The following CFAP96 variants were observed in gnomAD, a reference collection of about 807,000 sequenced individuals.
CFAP96 encodes the protein cilia-and flagella-associated protein 96.
chr4:185,418,314 T>G, the CFAP96 span: 3 of 687,214 alleles, frequency 4.4e-6, no homozygotes, highest in Non-Finnish European at 6.9e-6. Context: ...GGCAAGTCAT[T>G]TAATCTTTTT....
chr4:185,416,113 T>A, the CFAP96 span: 1 of 313,274 alleles, frequency 3.2e-6, no homozygotes, highest in Non-Finnish European at 5.8e-6. Flanking sequence ...AAGGACAGAA[T>A]ATAAAGCTGT....
the CFAP96 span, chr4:185,449,607 C>G: frequency 5.2e-6 from 8 of 1,541,842 alleles, no homozygotes; most frequent in Non-Finnish European, 7.0e-6. Context: ...GCACTAAATT[C>G]AAAGAACTAC....
At chr4:185,425,980 A>G in the CFAP96 span, 6 of 1,203,138 alleles carry the variant, frequency 5.0e-6, no homozygotes, top group Non-Finnish European at 7.2e-6. Context: ...CGGACCAACT[A>G]CAACTCCCGA....
the CFAP96 span, chr4:185,416,070 C>T: frequency 2.4e-6 from 1 of 412,886 alleles, no homozygotes; most frequent in Admixed American, 4.1e-5. Context: ...AGATAACTCA[C>T]TACCCTCAGA....
chr4:185,412,277 A>G, the CFAP96 span, among the ~76,000 whole-genome samples: 1 of 152,324 alleles, frequency 6.6e-6, no homozygotes, highest in East Asian at 1.9e-4. Context: ...CTGTGTGTCC[A>G]GGTTCTTCTA....
At chr4:185,444,250 G>A in the CFAP96 span, among the ~76,000 whole-genome samples, 1 of 152,026 alleles carries the variant, frequency 6.6e-6, no homozygotes, top group Non-Finnish European at 1.5e-5. Context: ...ACCGCGCCCG[G>A]CCTGTATCTT....
At chr4:185,426,177 A>G in the CFAP96 span, 1 of 448,052 alleles carries the variant, frequency 2.2e-6, no homozygotes, top group Non-Finnish European at 4.1e-6. Context: ...GTATCCTCCC[A>G]CAGCGTGCTT....
At chr4:185,449,599 A>C in the CFAP96 span, 1 of 1,540,068 alleles carries the variant, frequency 6.5e-7, no homozygotes, top group Non-Finnish European at 8.8e-7. Context: ...ATTTTAGGGC[A>C]CTAAATTCAA....
At chr4:185,434,798 G>A in the CFAP96 span, among the ~76,000 whole-genome samples, 1 of 151,870 alleles carries the variant, frequency 6.6e-6, no homozygotes, top group African/African-American at 2.4e-5. Context: ...GAGTGCAGTG[G>A]CGCGATCTCA....
the CFAP96 span, chr4:185,422,659 TTAAC>T: frequency 2.5e-6 from 2 of 793,086 alleles, no homozygotes; most frequent in South Asian, 2.1e-5. Flanking sequence ...AAGACATTAA[TTAAC>T]CTTGATTCTT....
the CFAP96 span, among the ~76,000 whole-genome samples, chr4:185,424,439 T>C: frequency 2.6e-5 from 4 of 152,360 alleles, no homozygotes; most frequent in Admixed American, 6.5e-5. Flanking sequence ...CTTTGTCACA[T>C]TTCTATAAGG....
At chr4:185,418,290 A>G in the CFAP96 span, 1 of 580,562 alleles carries the variant, frequency 1.7e-6, no homozygotes, top group Non-Finnish European at 2.9e-6. Flanking sequence ...AAGTAAGACA[A>G]ACATATAACT....
At chr4:185,448,015 G>A in the CFAP96 span, among the ~76,000 whole-genome samples, 446 of 152,134 alleles carry the variant, frequency 2.9e-3, 3 homozygotes, top group African/African-American at 0.01. Flanking sequence ...TTGGAAATAC[G>A]TTTTGTCTTT....
chr4:185,427,008 G>A, the CFAP96 span, among the ~76,000 whole-genome samples: 1 of 150,788 alleles, frequency 6.6e-6, no homozygotes, highest in Admixed American at 6.6e-5. Context: ...AGGCTGCAGA[G>A]AGCCAAGACA....
At chr4:185,432,007 A>G in the CFAP96 span, 2 of 1,551,616 alleles carry the variant, frequency 1.3e-6, no homozygotes, top group South Asian at 2.4e-5. Context: ...CTGCAAGCAA[A>G]AATAAACAGA....
At chr4:185,413,153 A>G in the CFAP96 span, among the ~76,000 whole-genome samples, 1 of 151,960 alleles carries the variant, frequency 6.6e-6, no homozygotes, top group Admixed American at 6.6e-5. Context: ...AAAAATACAA[A>G]AACTAGCCAG....
chr4:185,413,867 T>G, the CFAP96 span: 1 of 1,600,416 alleles, frequency 6.2e-7, no homozygotes, highest in Non-Finnish European at 8.5e-7. Context: ...AAAGATCATG[T>G]AACTCCTAAA....
At chr4:185,433,265 T>C in the CFAP96 span, among the ~76,000 whole-genome samples, 244 of 151,952 alleles carry the variant, frequency 1.6e-3, 1 homozygote, top group African/African-American at 5.7e-3. Flanking sequence ...CATGGTGGCA[T>C]GCACCTGTAG....
chr4:185,418,779 A>C, the CFAP96 span: 4 of 1,578,052 alleles, frequency 2.5e-6, no homozygotes, highest in Non-Finnish European at 3.4e-6. Context: ...TTCTAAATTA[A>C]AAGAATATAA....
Sources: allele counts gnomAD v4.1 joint callset (sites outside exome capture counted in the v4.1 genomes callset), GRCh38; gene constraint gnomAD v4.1.1; transcripts MANE v1.5; gene names NCBI Gene and HGNC (gene_info 2026-07-23, HGNC 2026-07-21).